LIN28B: variants seen among roughly 807,000 people sequenced by gnomAD.
LIN28B encodes the protein protein lin-28 homolog B.
A neutral mutation model predicts 21.9 loss-of-function variants in LIN28B; 5 were observed. The ratio of observed to expected loss-of-function variants is 0.23; its 90% confidence interval spans 0.12 to 0.48. The LOEUF (loss-of-function observed/expected upper bound fraction) is 0.48. Ranked by LOEUF, LIN28B falls within the 20% of genes least tolerant of loss-of-function variation. The pLI, the probability that LIN28B is intolerant of heterozygous loss-of-function variation, is 0.98. For synonymous variants in LIN28B, 109 were observed against 111.3 expected (o/e 0.98, Z 0.13); for missense variants, 245 against 310.5 (o/e 0.79, Z 1.58).
chr6:105,070,834 A>G (rs1216294067), intron 3 of LIN28B, among the ~76,000 whole-genome samples: 2 of 151,960 alleles, frequency 1.3e-5, no homozygotes, highest in African/African-American at 2.4e-5. Flanking sequence ...ACCACTCTTT[A>G]TTTGTCAATT....
At chr6:104,948,793 TG>T (rs1778187074) in intron 2 of LIN28B, among the ~76,000 whole-genome samples, 1 of 152,238 alleles carries the variant, frequency 6.6e-6, no homozygotes, top group Non-Finnish European at 1.5e-5. Flanking sequence ...AATAATTTCA[TG>T]TTACTTTTCC....
upstream of LIN28B, among the ~76,000 whole-genome samples, chr6:104,953,079 C>T (rs1484235680): frequency 6.6e-6 from 1 of 152,214 alleles, no homozygotes; most frequent in Admixed American, 6.5e-5. Context: ...CAAAACGCGG[C>T]GGAAGGAATC....
intron 2 of LIN28B, among the ~76,000 whole-genome samples, chr6:104,948,283 A>G (rs1778181193): frequency 6.6e-6 from 1 of 151,928 alleles, no homozygotes; most frequent in Non-Finnish European, 1.5e-5. Context: ...CCTGGCCAAC[A>G]TAGTGAAACC....
At chr6:105,027,102 A>G (rs1209840761) in intron 3 of LIN28B, among the ~76,000 whole-genome samples, 2 of 152,290 alleles carry the variant, frequency 1.3e-5, no homozygotes, top group Admixed American at 6.5e-5. Flanking sequence ...TGTATTTTGA[A>G]TTGATCAATA....
chr6:105,055,971 A>G (rs1161592089), intron 3 of LIN28B, among the ~76,000 whole-genome samples: 2 of 115,734 alleles, frequency 1.7e-5, no homozygotes, highest in African/African-American at 6.7e-5. Context: ...CATGTTGCCC[A>G]GGCTGGACTG....
intron 3 of LIN28B, among the ~76,000 whole-genome samples, chr6:105,027,624 G>C (rs1771314836): frequency 6.6e-6 from 1 of 151,732 alleles, no homozygotes; most frequent in African/African-American, 2.4e-5. Context: ...AAAGTATTTT[G>C]AAGTTTTGAA....
chr6:104,957,454 C>T (rs899111946), intron 1 of LIN28B, among the ~76,000 whole-genome samples, 194 bp downstream of exon 1: 4 of 150,814 alleles, frequency 2.7e-5, no homozygotes. Context: ...ATGTTTTGTA[C>T]CGCCCACACT....
intron 2 of LIN28B, among the ~76,000 whole-genome samples, chr6:105,002,884 A>C (rs1770745861): frequency 6.6e-6 from 1 of 152,230 alleles, no homozygotes. Flanking sequence ...TATGCTGTAA[A>C]ATACTACAAA....
At chr6:105,039,437 C>CT (rs893916250) in intron 3 of LIN28B, among the ~76,000 whole-genome samples, 50 of 152,132 alleles carry the variant, frequency 3.3e-4, no homozygotes, top group African/African-American at 1.2e-3. Context: ...AGGATAACTC[C>CT]TTTTTTAAAA....
In LIN28B at chr6:104,958,163, C is replaced by T. The variant is rs755723476; in HGVS notation, c.75C>T (p.Ser25=). 5 of 1,606,878 alleles carry T rather than the reference C, an allele frequency of 3.1e-6. No individual in the cohort carries two copies. The East Asian group carries it at 1.1e-4, about 36-fold the overall frequency. ...TGCCGGAGCCGGCAGAGGAGGAATC[C>T]CAGGTTTTGCGCGGAACTGGCCACT... ...GKLPEPAEEE[S]QVLRGTGHCK... The change falls in exon 2 of 4, where the codon TCC becomes TCT. Residue 25 remains serine, a synonymous_variant. Coordinates refer to ENST00000345080, the MANE Select transcript of LIN28B (RefSeq NM_001004317.4).
At chr6:105,044,983 A>G (rs1562104200) in intron 3 of LIN28B, among the ~76,000 whole-genome samples, 1 of 152,120 alleles carries the variant, frequency 6.6e-6, no homozygotes, top group Admixed American at 6.5e-5. Flanking sequence ...CTCAGGCAAT[A>G]TAGTGTGACC....
At chr6:105,007,340 CAG>C (rs1359140133) in intron 2 of LIN28B, among the ~76,000 whole-genome samples, 8 of 152,096 alleles carry the variant, frequency 5.3e-5, no homozygotes, top group Middle Eastern at 3.4e-3. Flanking sequence ...TTTATTGAAA[CAG>C]AGTCAGATGC....
At chr6:104,977,624 A>G (rs754964847) in intron 2 of LIN28B, among the ~76,000 whole-genome samples, 2 of 152,006 alleles carry the variant, frequency 1.3e-5, no homozygotes, top group Middle Eastern at 3.4e-3. Context: ...CTGGAGTGCA[A>G]TAGTGTGATC....
intron 3 of LIN28B, among the ~76,000 whole-genome samples, chr6:105,039,319 G>T (rs1289733321): frequency 6.6e-6 from 1 of 152,066 alleles, no homozygotes; most frequent in Non-Finnish European, 1.5e-5. Context: ...ATTGTTTGTA[G>T]TAACAAAAAA....
At chr6:104,985,439 C>G (rs1461174911) in intron 2 of LIN28B, among the ~76,000 whole-genome samples, 1 of 152,028 alleles carries the variant, frequency 6.6e-6, no homozygotes, top group Non-Finnish European at 1.5e-5. Flanking sequence ...TGTGTTTTGC[C>G]TATACTTCAA....
chr6:105,001,820 T>A (rs149336727), intron 2 of LIN28B, among the ~76,000 whole-genome samples: 2 of 152,308 alleles, frequency 1.3e-5, no homozygotes, highest in African/African-American at 2.4e-5. Context: ...TTTCTTGATA[T>A]TACAAAAAAA....
In LIN28B at chr6:105,078,610, G is replaced by A. The variant is rs758589915; in HGVS notation, c.580G>A (p.Glu194Lys). ...SQPCTSTLPREVGGGHGCTSP... is the reference protein window; with the variant it reads ...SQPCTSTLPRKVGGGHGCTSP... ...GCCATGCACTTCAACTCTCCCTCGA[G>A]AAGTGGGAGGCGGGCATGGCTGTAC... The change falls in exon 4 of 4, where the codon GAA becomes AAA. Residue 194 changes from glutamate (E) to lysine (K), a missense_variant. Glu to Lys is a moderately conservative substitution (Grantham distance 56). Transcript: ENST00000345080. 6.8e-6 allele frequency: 11 copies of A among 1,614,152 alleles called. No individual in the cohort carries two copies. Among genetic ancestry groups the A allele is most frequent in the African/African-American group, 1.3e-5 (1 of 75,056 alleles).
At chr6:105,061,368 A>C (rs774105815) in intron 3 of LIN28B, among the ~76,000 whole-genome samples, 1 of 152,212 alleles carries the variant, frequency 6.6e-6, no homozygotes, top group Non-Finnish European at 1.5e-5. Context: ...TATAAAAGGA[A>C]TGGAAAATAG....
intron 3 of LIN28B, among the ~76,000 whole-genome samples, chr6:105,048,910 C>G (rs1771831298): frequency 6.6e-6 from 1 of 152,000 alleles, no homozygotes; most frequent in Admixed American, 6.6e-5. Flanking sequence ...TCTCTCTTTT[C>G]TTCTTTATTA....
Sources: allele counts gnomAD v4.1 joint callset (sites outside exome capture counted in the v4.1 genomes callset), GRCh38; gene constraint gnomAD v4.1.1; transcripts MANE v1.5; gene names NCBI Gene and HGNC (gene_info 2026-07-23, HGNC 2026-07-21).